Variants in MLXIP observed in about 807,000 individuals in gnomAD.
The protein encoded by MLXIP is MLX-interacting protein.
MLXIP carries 30 observed loss-of-function variants against 87.2 expected under a neutral mutation model. The observed-to-expected ratio is 0.34, with a 90% confidence interval of 0.26 to 0.47. The LOEUF is 0.47. Ranked by LOEUF, MLXIP falls within the 20% of genes least tolerant of loss-of-function variation. The pLI is 1.00. For missense variants in MLXIP, 1,002 were observed against 1,240.1 expected (o/e 0.81, Z 2.88); for synonymous variants, 530 against 514.0 (o/e 1.03, Z -0.42).
At chr12:122,104,134 AT>A (rs1952483324) in intron 1 of MLXIP, among the ~76,000 whole-genome samples, 1 of 152,224 alleles carries the variant, frequency 6.6e-6, no homozygotes, top group Non-Finnish European at 1.5e-5. Flanking sequence ...CATTACTATA[AT>A]TTAAAAACTT....
At chr12:122,087,633 T>C (rs988178089) in intron 1 of MLXIP, among the ~76,000 whole-genome samples, 5 of 152,114 alleles carry the variant, frequency 3.3e-5, no homozygotes, top group African/African-American at 9.7e-5. Flanking sequence ...GGAGGTAAGA[T>C]AGAAGAGGCA....
At chr12:122,091,944 G>A (rs947664522) in intron 1 of MLXIP, among the ~76,000 whole-genome samples, 2 of 152,144 alleles carry the variant, frequency 1.3e-5, no homozygotes, top group Admixed American at 1.3e-4. Flanking sequence ...GGTATTCTGG[G>A]GTTGTGAGTT....
chr12:122,094,167 CTGTG>C (rs1211928996), intron 1 of MLXIP, among the ~76,000 whole-genome samples: 31 of 109,752 alleles, frequency 2.8e-4, no homozygotes, highest in Admixed American at 7.5e-4. Flanking sequence ...TTTGCAGTGT[CTGTG>C]TGTGGTGTTG....
intron 1 of MLXIP, among the ~76,000 whole-genome samples, chr12:122,082,081 A>T (rs1182815111): frequency 6.6e-6 from 1 of 152,142 alleles, no homozygotes; most frequent in Non-Finnish European, 1.5e-5. Context: ...TCTGACTGTG[A>T]TCCATTCCTG....
chr12:122,132,675 CAG>C (rs1221455236), intron 8 of MLXIP: 2 of 353,254 alleles, frequency 5.7e-6, no homozygotes, highest in African/African-American at 2.1e-5. Flanking sequence ...ATTAGCTAGA[CAG>C]AGAAGAAAAA....
intron 1 of MLXIP, among the ~76,000 whole-genome samples, chr12:122,105,275 A>G (rs967163038): frequency 7.9e-5 from 12 of 151,588 alleles, no homozygotes; most frequent in African/African-American, 2.9e-4. Context: ...CTTTTTTCCT[A>G]ATGCCTCTCT....
At chr12:122,119,283 A>C (rs1354059234) in intron 1 of MLXIP, among the ~76,000 whole-genome samples, 1 of 152,238 alleles carries the variant, frequency 6.6e-6, no homozygotes, top group African/African-American at 2.4e-5. Flanking sequence ...TTGTTTTTTC[A>C]CTTAACAGTG....
Position 122,133,493 on chromosome 12 carries a change from C to T in MLXIP, c.1238C>T (p.Thr413Met), listed in dbSNP as rs539442799. ...ACTGAGGACCCGTTTATCCAGCCCA[C>T]GGACTTCGGTCCCTCAGAGCCGCCA... The part of the protein sequence containing the change: ...SRTEDPFIQP[T>M]DFGPSEPPLS... Residue 413 changes from threonine to methionine, a missense_variant, in exon 9 of 17, where the codon ACG (threonine) becomes ATG (methionine). Physicochemically the swap from Thr to Met is moderately conservative, Grantham distance 81 (BLOSUM62 -1). Around this residue, in one of 3 missense-constraint regions of MLXIP, gnomAD observed 746 missense variants for 897.0 expected, o/e 0.83. Coordinates refer to ENST00000319080, the MANE Select transcript of MLXIP (RefSeq NM_014938.6). This position sits in a 1 kb window ranked among gnomAD's most constrained non-coding sequence, Gnocchi z 4.9. 2.5e-5 allele frequency: 40 copies of T among 1,612,630 alleles called. No individual in the cohort carries two copies. The Admixed American group carries it at 4.8e-4, about 20-fold the overall frequency.
intron 16 of MLXIP, 35 bp downstream of exon 16, chr12:122,141,118 G>A: frequency 6.3e-7 from 1 of 1,586,912 alleles, no homozygotes. Flanking sequence ...GGGGCTTCAT[G>A]CTAGTCCTGG....
chr12:122,140,288 C>A (rs900730951), intron 15 of MLXIP, among the ~76,000 whole-genome samples: 3 of 152,054 alleles, frequency 2.0e-5, no homozygotes, highest in Non-Finnish European at 2.9e-5. Context: ...ATGGCTCCTG[C>A]CTTTATTTAT....
chr12:122,103,374 G>A (rs1168149024), intron 1 of MLXIP, among the ~76,000 whole-genome samples: 6 of 151,810 alleles, frequency 4.0e-5, no homozygotes, highest in Admixed American at 6.6e-5. Flanking sequence ...AGAGGCGCCC[G>A]CCACCATGCC....
chr12:122,133,302 T>C lies in MLXIP; in HGVS notation c.1093-46T>C. The C allele has an allele frequency of 6.6e-7, 1 of 1,517,816 alleles. No homozygotes were observed. The highest frequency in any genetic ancestry group is 8.8e-7 in the Non-Finnish European group (1 of 1,135,168). 94.0% of individuals were successfully genotyped at this position (1,517,816 alleles called of 1,614,324 possible). ...GCAGTGTGCAGCGCTAGAAAGGAAT[T>C]GTCTGACCCCAGCATTGCTTCCTGG... On this transcript the variant is annotated intron_variant, in intron 8 of 16. Transcript: ENST00000319080. This position sits in a 1 kb window ranked among gnomAD's most constrained non-coding sequence, Gnocchi z 4.9.
At chr12:122,136,459 CAAAAAAAAAAAAAA>C (rs1224302321) in intron 11 of MLXIP, 1 of 28,162 alleles carries the variant, frequency 3.6e-5, no homozygotes, top group Non-Finnish European at 8.9e-5. Flanking sequence ...TCAAAAAATG[CAAAAAAAAAAAAAA>C]AAAAAAAAAG....
intron 1 of MLXIP, among the ~76,000 whole-genome samples, chr12:122,121,704 C>T (rs1952787669): frequency 6.6e-6 from 1 of 152,192 alleles, no homozygotes; most frequent in African/African-American, 2.4e-5. Flanking sequence ...TTCTTACTTC[C>T]AGCTTGGTCT....
rs1411791849 is a variant in MLXIP, at chr12:122,133,638, C to T, written c.1383C>T (p.Asn461=). 5 of 1,612,286 alleles carry T rather than the reference C, an allele frequency of 3.1e-6. No homozygotes were observed. The highest frequency in any genetic ancestry group is 1.7e-5 in the Admixed American group (1 of 59,824). ...TTCCTCCTCCTGCCACTGCCCTGAA[C>T]CCCCCGGCTCCACCCACCTTCCATC... ...PLVPPPATAL[N]PPAPPTFHQP... is the part of the protein sequence containing the mutation. The change falls in exon 9 of 17, where the codon AAC becomes AAT. Residue 461 remains asparagine, a synonymous_variant. Coordinates refer to ENST00000319080, the MANE Select transcript of MLXIP (RefSeq NM_014938.6). This position sits in a 1 kb window ranked among gnomAD's most constrained non-coding sequence, Gnocchi z 4.9.
chr12:122,113,688 T>C (rs1952639900), intron 1 of MLXIP, among the ~76,000 whole-genome samples: 1 of 134,248 alleles, frequency 7.4e-6, no homozygotes, highest in African/African-American at 2.9e-5. Flanking sequence ...TTTCTTTTTT[T>C]TTTTTTTTTT....
intron 1 of MLXIP, among the ~76,000 whole-genome samples, chr12:122,108,669 C>T (rs1351342018): frequency 1.3e-5 from 2 of 152,142 alleles, no homozygotes; most frequent in Admixed American, 6.5e-5. Flanking sequence ...CACGCCCTTT[C>T]ATTAGTCCGT....
chr12:122,094,978 GT>G (rs1952327472), intron 1 of MLXIP, among the ~76,000 whole-genome samples: 1 of 141,702 alleles, frequency 7.1e-6, no homozygotes, highest in Non-Finnish European at 1.5e-5. Context: ...TTTGTGGGGT[GT>G]GGGGGTATGT....
intron 1 of MLXIP, among the ~76,000 whole-genome samples, chr12:122,116,081 C>T (rs1208865454): frequency 8.1e-6 from 1 of 124,022 alleles, no homozygotes; most frequent in Admixed American, 8.1e-5. Flanking sequence ...CACACACACA[C>T]ACACACAACA....
Sources: gnomAD v4.1 joint callset for allele counts (sites outside exome capture counted in the v4.1 genomes callset) on GRCh38, gnomAD v4.1.1 for gene constraint, gnomAD v4.1.1 regional missense constraint, Gnocchi (gnomAD v3.1) non-coding constraint, MANE v1.5 for transcripts, NCBI Gene and HGNC (gene_info 2026-07-23, HGNC 2026-07-21) for gene names.